The following FER1L6 variants were observed in gnomAD, a reference collection of about 807,000 sequenced individuals.
FER1L6 encodes the protein fer-1 like family member 6.
Under a neutral mutation model 219.2 loss-of-function variants are expected in FER1L6, and 177 were observed. The ratio of observed to expected loss-of-function variants is 0.81; its 90% CI spans 0.71 to 0.91. The LOEUF (loss-of-function observed/expected upper bound fraction) is 0.91, where lower values mean the gene tolerates loss of function less well. Among genes scored for constraint, FER1L6 ranks in the 40% least tolerant of loss-of-function variants. The probability of loss-of-function intolerance (pLI) is 0.00; values close to 1 mark genes in which losing one functional copy is unlikely to be tolerated. For missense variants in FER1L6, 2,153 were observed against 2,259.9 expected (o/e 0.95, Z 0.96); for synonymous variants, 768 against 824.3 (o/e 0.93, Z 1.17).
chr8:123,882,053 A>G (rs1563672084), intron 1 of FER1L6, among the ~76,000 whole-genome samples: 1 of 152,362 alleles, frequency 6.6e-6, no homozygotes, highest in Admixed American at 6.5e-5. Flanking sequence ...TAAGGCTTAC[A>G]GATTTCAACT....
At chr8:123,914,343 G>A (rs911395397) in intron 1 of FER1L6, among the ~76,000 whole-genome samples, 20 of 152,170 alleles carry the variant, frequency 1.3e-4, no homozygotes, top group African/African-American at 4.8e-4. Context: ...AAAGCATTTA[G>A]CTTTTGGCTC....
chr8:124,044,699 T>G (rs1329688569), intron 20 of FER1L6, among the ~76,000 whole-genome samples: 1 of 152,248 alleles, frequency 6.6e-6, no homozygotes, highest in Admixed American at 6.5e-5. Context: ...TTGAACTCTT[T>G]CCAGGACTAG....
intron 1 of FER1L6, among the ~76,000 whole-genome samples, chr8:123,897,432 T>A (rs1448589060): frequency 2.0e-5 from 3 of 152,172 alleles, no homozygotes; most frequent in African/African-American, 7.2e-5. Context: ...CATATGCAGG[T>A]TCTAGAATCT....
intron 1 of FER1L6, among the ~76,000 whole-genome samples, chr8:123,879,205 A>G (rs1191198884): frequency 6.6e-6 from 1 of 152,222 alleles, no homozygotes; most frequent in Non-Finnish European, 1.5e-5. Flanking sequence ...CCAGAGGCTG[A>G]AGCGGGAAGA....
intron 27 of FER1L6, 96 bp downstream of exon 27, chr8:124,066,646 C>T: frequency 7.3e-7 from 1 of 1,361,594 alleles, no homozygotes; most frequent in Non-Finnish European, 1.0e-6. Flanking sequence ...TTTTAAATGC[C>T]ACTATACATA....
At chr8:124,066,826 G>T (rs184325148) in intron 27 of FER1L6, among the ~76,000 whole-genome samples, 64 of 152,236 alleles carry the variant, frequency 4.2e-4, no homozygotes, top group African/African-American at 1.4e-3. Flanking sequence ...TGGAGGATCT[G>T]CCCCCACAGC....
chr8:123,893,414 G>A (rs1812685805), intron 1 of FER1L6, among the ~76,000 whole-genome samples: 1 of 152,100 alleles, frequency 6.6e-6, no homozygotes, highest in Non-Finnish European at 1.5e-5. Context: ...ACTTTTTTCT[G>A]TTTGAAATAT....
intron 39 of FER1L6, among the ~76,000 whole-genome samples, chr8:124,114,940 T>G (rs2131038350): frequency 7.2e-6 from 1 of 139,478 alleles, no homozygotes; most frequent in Non-Finnish European, 1.6e-5. Flanking sequence ...TATATTCCTT[T>G]TCCTAAAAGA....
At chr8:123,998,776 A>T (rs911901621) in intron 12 of FER1L6, among the ~76,000 whole-genome samples, 5 of 152,142 alleles carry the variant, frequency 3.3e-5, no homozygotes, top group African/African-American at 1.2e-4. Context: ...AAGTTGCAAG[A>T]CAACATTCTT....
intron 1 of FER1L6, among the ~76,000 whole-genome samples, chr8:123,932,468 A>C (rs995100580): frequency 6.6e-6 from 1 of 152,328 alleles, no homozygotes; most frequent in South Asian, 2.1e-4. Flanking sequence ...TTCTGTTTAA[A>C]ATAGAACATA....
At chr8:124,030,306 G>A (rs73706365) in intron 18 of FER1L6, among the ~76,000 whole-genome samples, 6,613 of 152,230 alleles carry the variant, frequency 0.043, 477 homozygotes, top group African/African-American at 0.15. Context: ...TGATTGATCA[G>A]TAACAGCAAT....
At chr8:123,971,990 C>T (rs1361821500) in intron 6 of FER1L6, among the ~76,000 whole-genome samples, 1 of 152,232 alleles carries the variant, frequency 6.6e-6, no homozygotes, top group Non-Finnish European at 1.5e-5. Context: ...GGGGCTCTTG[C>T]ATTTCATCTT....
rs1222905700 is a variant in FER1L6 at position 123,980,515 on chromosome 8, A to G, written c.1114A>G (p.Arg372Gly). 3 of 1,614,110 alleles carry G rather than the reference A, an allele frequency of 1.9e-6. No homozygotes were observed. The highest frequency in any genetic ancestry group is 2.5e-6 in the Non-Finnish European group (3 of 1,179,988). Residue 372 changes from arginine to glycine, a missense_variant, in exon 11 of 41, where the codon AGG becomes GGG. Arg to Gly is a moderately radical substitution (Grantham distance 125). Coordinates refer to ENST00000522917, the MANE Select transcript of FER1L6 (RefSeq NM_001039112.2). Reference sequence around the variant, plus strand: ...CTGGATTAACCTGTATGGCTCGCCCAGGAACCACAGTCTGATGGATGACTA... The same window carrying G: ...CTGGATTAACCTGTATGGCTCGCCCGGGAACCACAGTCTGATGGATGACTA... ...PAWINLYGSPRNHSLMDDYQE... is the reference protein window; with the variant it reads ...PAWINLYGSPGNHSLMDDYQE...
At chr8:123,916,180 C>A (rs564831314) in intron 1 of FER1L6, among the ~76,000 whole-genome samples, 1 of 152,200 alleles carries the variant, frequency 6.6e-6, no homozygotes, top group Non-Finnish European at 1.5e-5. Flanking sequence ...ATTCTCAAAG[C>A]GCTCCTGTCT....
At position 124,085,896 on chromosome 8, in the gene FER1L6, G is replaced by A. The variant is rs145537617; in HGVS notation, c.4391+3438G>A. Among the ~76,000 whole-genome samples the A allele has an allele frequency of 3.2e-3, 480 of 152,160 alleles. 3 individuals are homozygous for A. The highest frequency in any genetic ancestry group is 0.011 in the African/African-American group (463 of 41,512). ...TTTGCTTTATATCTGGGTGCTCCACGGTTGGGTGTGTGTGTATGCAACTGT... is the reference window on the plus strand; with the variant it reads ...TTTGCTTTATATCTGGGTGCTCCACAGTTGGGTGTGTGTGTATGCAACTGT... On this transcript the variant is annotated intron_variant, in intron 33 of 40. Coordinates refer to ENST00000522917, the MANE Select transcript of FER1L6 (RefSeq NM_001039112.2).
intron 39 of FER1L6, among the ~76,000 whole-genome samples, chr8:124,114,725 T>C (rs1175377830): frequency 6.6e-6 from 1 of 151,944 alleles, no homozygotes; most frequent in African/African-American, 2.4e-5. Context: ...AGATTATATA[T>C]GACATACAAT....
At chr8:123,990,412 G>A (rs1327635560) in intron 12 of FER1L6, among the ~76,000 whole-genome samples, 1 of 152,022 alleles carries the variant, frequency 6.6e-6, no homozygotes, top group Non-Finnish European at 1.5e-5. Context: ...TTTAATAATG[G>A]CCCTTCTGGC....
chr8:124,033,131 T>C (rs534933949), intron 18 of FER1L6, among the ~76,000 whole-genome samples: 1 of 152,346 alleles, frequency 6.6e-6, no homozygotes, highest in African/African-American at 2.4e-5. Flanking sequence ...ATGTGTTAAA[T>C]ATTATTATTG....
At chr8:123,865,737 C>T (rs1488514703) in intron 1 of FER1L6, among the ~76,000 whole-genome samples, 12 of 150,138 alleles carry the variant, frequency 8.0e-5, no homozygotes, top group South Asian at 6.3e-4. Flanking sequence ...GGGAGTGACC[C>T]GATTTTCCAG....
Sources: gnomAD v4.1 joint callset for allele counts (sites outside exome capture counted in the v4.1 genomes callset) on GRCh38, gnomAD v4.1.1 for gene constraint, MANE v1.5 for transcripts, NCBI Gene and HGNC (gene_info 2026-07-23, HGNC 2026-07-21) for gene names.